NLRP10: variants seen among roughly 807,000 people sequenced by gnomAD.
NLRP10 encodes the protein NLR family pyrin domain containing 10.
Under a neutral mutation model 8.2 loss-of-function variants are expected in NLRP10, and 7 were observed. The observed-to-expected ratio is 0.85, with a 90% CI of 0.48 to 1.60. The LOEUF (loss-of-function observed/expected upper bound fraction) is 1.60, where lower values mean the gene tolerates loss of function less well. Among genes scored for constraint, NLRP10 ranks in the 40% most tolerant of loss-of-function variants. The pLI is 0.00. For synonymous variants in NLRP10, 338 were observed against 314.0 expected, an observed-to-expected ratio of 1.08 and a Z score of -0.81; for missense variants, 814 against 776.3, an observed-to-expected ratio of 1.05 and a Z score of -0.58.
In NLRP10 at chr11:7,960,448, G is replaced by C; in HGVS notation, c.1164C>G (p.Tyr388Ter). 1 of 1,614,094 alleles carries C rather than the reference G, an allele frequency of 6.2e-7. No homozygotes were observed. The highest frequency in any genetic ancestry group is 8.5e-7 in the Non-Finnish European group (1 of 1,180,036). ...PRNSTDIFMA[Y>*]VSTFLPPDDD... ...CATCGGGCGGCAGAAAGGTGGAGAC[G>C]TAAGCCATGAAGATGTCAGTGCTGT... Residue 388 changes from tyrosine to a stop codon, truncating the protein, a stop_gained, in exon 3 of 3, where the codon TAC becomes TAG. Transcript: ENST00000691676. LOFTEE classifies it low-confidence loss of function (END_TRUNC).
At chr11:7,964,908 A>G (rs1941795023) in intron 1 of NLRP10, among the ~76,000 whole-genome samples, 1 of 152,262 alleles carries the variant, frequency 6.6e-6, no homozygotes, top group Non-Finnish European at 1.5e-5. Flanking sequence ...CCATCTCAGT[A>G]GTACAATGTC....
In NLRP10 at chr11:7,963,364, C is replaced by T. The variant is rs1432566077; in HGVS notation, c.132G>A (p.Leu44=). 1.2e-6 allele frequency: 2 copies of T among 1,614,088 alleles called. No individual in the cohort carries two copies. Among genetic ancestry groups the T allele is most frequent in the Non-Finnish European group, 1.7e-6 (2 of 1,180,034 alleles). The change falls in exon 2 of 3, where the codon CTG becomes CTA. Residue 44 remains leucine (L), a synonymous_variant. Transcript: ENST00000691676. Reference sequence around the variant, plus strand: ...TCAGGCCCTCCAACTCCCCTCTGGCCAGTGGGGGCTGGCCCTCAGACAGGG... The same window carrying T: ...TCAGGCCCTCCAACTCCCCTCTGGCTAGTGGGGGCTGGCCCTCAGACAGGG... ...DMTLSEGQPP[L]ARGELEGLIP... is the part of the protein sequence containing the mutation.
chr11:7,958,545 C>A lies in NLRP10; in HGVS notation c.*1099G>T, dbSNP rs1941659377. 6.6e-6 allele frequency among the ~76,000 whole-genome samples: 1 copy of A among 151,634 alleles called. No individual in the cohort carries two copies. Among genetic ancestry groups the A allele is most frequent in the Non-Finnish European group, 1.5e-5 (1 of 67,912 alleles). On this transcript the variant is annotated 3_prime_UTR_variant, in exon 3 of 3. Coordinates refer to ENST00000691676, the MANE Select transcript of NLRP10 (RefSeq NM_001391958.1). ...TCTTTAATAAGCTGTCTGTTCCAAT[C>A]TTTTTACTCACCTTTTTTTTTTTGA...
chr11:7,961,923 C>T (rs980803041), intron 2 of NLRP10, among the ~76,000 whole-genome samples: 8 of 152,152 alleles, frequency 5.3e-5, no homozygotes, highest in Admixed American at 5.2e-4. Flanking sequence ...TCATGAATGT[C>T]TTGGGGCCCT....
chr11:7,965,348 C>T lies in NLRP10; in HGVS notation c.-148G>A, dbSNP rs953806632. 3 of 152,218 alleles carry T rather than the reference C, an allele frequency of 2.0e-5. No individual in the cohort carries two copies. Among genetic ancestry groups the T allele is most frequent in the African/African-American group, 7.2e-5 (3 of 41,454 alleles). The allele number at this position is 152,218 out of a possible 1,614,324, so 9.4% of individuals were successfully genotyped here. A position where few individuals can be genotyped will look rare whatever the true frequency, so the allele number is the denominator to read the frequency against. On this transcript the variant is annotated 5_prime_UTR_variant, in exon 1 of 3. Coordinates refer to ENST00000691676, the MANE Select transcript of NLRP10 (RefSeq NM_001391958.1). ...CTGGGGACTGAGACGAAACAGATCC[C>T]CTTTCCTGGTCCGACAGCTCTACAG...
chr11:7,964,183 A>T (rs1336270425), intron 1 of NLRP10, among the ~76,000 whole-genome samples: 1 of 152,152 alleles, frequency 6.6e-6, no homozygotes, highest in Non-Finnish European at 1.5e-5. Flanking sequence ...TGGCTTCCCA[A>T]AGTGCTGGGA....
Position 7,961,029 on chromosome 11 carries a change from G to C in NLRP10, c.583C>G (p.Leu195Val), listed in dbSNP as rs143042411. ...KMVLDWATGT[L>V]YPGRFDYVFY... ...ACATAATCAAACCGGCCTGGGTACAGAGTACCGGTGGCCCAGTCCAACACC... is the reference window on the plus strand; with the variant it reads ...ACATAATCAAACCGGCCTGGGTACACAGTACCGGTGGCCCAGTCCAACACC... Residue 195 changes from leucine (L) to valine (V), a missense_variant, in exon 3 of 3, where the codon CTG (leucine) becomes GTG (valine). Coordinates refer to ENST00000691676, the MANE Select transcript of NLRP10 (RefSeq NM_001391958.1). The C allele has an allele frequency of 6.2e-6, 10 of 1,614,212 alleles. No individual in the cohort carries two copies. The African/African-American group carries it at 1.3e-4, about 22-fold the overall frequency.
intron 1 of NLRP10, among the ~76,000 whole-genome samples, chr11:7,964,131 C>T (rs996754585): frequency 3.3e-5 from 5 of 152,050 alleles, no homozygotes; most frequent in African/African-American, 1.2e-4. Flanking sequence ...CATACGGGCC[C>T]GGCTAGACTC....
rs763481272 is a variant in NLRP10, at chr11:7,960,431, G to A, written c.1181C>T (p.Pro394Leu). The change falls in exon 3 of 3, where the codon CCG becomes CTG. Residue 394 changes from proline (P) to leucine (L), a missense_variant. Pro to Leu is a moderately conservative substitution (Grantham distance 98). Transcript: ENST00000691676. ...IFMAYVSTFL[P>L]PDDDGGCSEL... is the part of the protein sequence containing the mutation. ...GGAGCAGCCCCCATCATCATCGGGCGGCAGAAAGGTGGAGACGTAAGCCAT... is the reference window on the plus strand; with the variant it reads ...GGAGCAGCCCCCATCATCATCGGGCAGCAGAAAGGTGGAGACGTAAGCCAT... 11 of 1,613,974 alleles carry A rather than the reference G, an allele frequency of 6.8e-6. No homozygotes were observed. Among genetic ancestry groups the A allele is most frequent in the Admixed American group, 1.7e-5 (1 of 60,018 alleles).
intron 1 of NLRP10, among the ~76,000 whole-genome samples, chr11:7,964,766 A>C (rs1263663788): frequency 1.3e-5 from 2 of 152,222 alleles, no homozygotes; most frequent in African/African-American, 4.8e-5. Context: ...AGGAGAGCAG[A>C]GTTTTGAATT....
Position 7,961,301 on chromosome 11 carries a change from T to G in NLRP10, c.311A>C (p.Glu104Ala). Residue 104 changes from glutamate to alanine, a missense_variant, in exon 3 of 3, where the codon GAG becomes GCG. Glu to Ala is a moderately radical substitution (Grantham distance 107, BLOSUM62 -1). Coordinates refer to ENST00000691676, the MANE Select transcript of NLRP10 (RefSeq NM_001391958.1). ...CCATTCCTCTAGGCAGCGCACATGC[T>G]CTCGGTATACTTCTCTGTAATCTGA... ...CLHDYREVYR[E>A]HVRCLEEWQE... is the part of the protein sequence containing the mutation. 3 of 1,583,390 alleles carry G rather than the reference T, an allele frequency of 1.9e-6. No homozygotes were observed. The highest frequency in any genetic ancestry group is 2.6e-6 in the Non-Finnish European group (3 of 1,163,084).
rs911074918 is a variant in NLRP10 at position 7,957,780 on chromosome 11, C to T, written c.*1864G>A. ...ACTCTTTGTATTGTACAGCTCTATG[C>T]GTTTTGAAAAATTTATGTCATGACT... On this transcript the variant is annotated 3_prime_UTR_variant, in exon 3 of 3. Coordinates refer to ENST00000691676, the MANE Select transcript of NLRP10 (RefSeq NM_001391958.1). 2.6e-5 allele frequency among the ~76,000 whole-genome samples: 4 copies of T among 152,188 alleles called. No individual in the cohort carries two copies. Among genetic ancestry groups the T allele is most frequent in the South Asian group, 2.1e-4 (1 of 4,818 alleles).
rs1564878426 is a variant in NLRP10, at chr11:7,961,219, G to A, written c.393C>T (p.Ser131=). 1 of 1,613,690 alleles carries A rather than the reference G, an allele frequency of 6.2e-7. No individual in the cohort carries two copies. The highest frequency in any genetic ancestry group is 1.6e-4 in the Middle Eastern group (1 of 6,062). The stretch of plus-strand genomic sequence containing the variant: ...AGGCAAGTGATTCTGGGCTCTCTGA[G>A]CTGGGCTTGGCCACCAGGAGCACCT... ...YNQVLLVAKP[S]SESPESLACP... is the part of the protein sequence containing the mutation. Residue 131 remains serine, a synonymous_variant, in exon 3 of 3, where the codon AGC becomes AGT. Transcript: ENST00000691676.
At chr11:7,963,765 G>A (rs1278621658) in intron 1 of NLRP10, 2 of 489,502 alleles carry the variant, frequency 4.1e-6, no homozygotes, top group Non-Finnish European at 7.1e-6. Flanking sequence ...AAGGTATGTA[G>A]GTGTGTTAAT....
Position 7,960,286 on chromosome 11 carries a change from C to G in NLRP10, c.1326G>C (p.Arg442Ser). 6.2e-7 allele frequency: 1 copy of G among 1,614,112 alleles called. No individual in the cohort carries two copies. Among genetic ancestry groups the G allele is most frequent in the Non-Finnish European group, 8.5e-7 (1 of 1,180,026 alleles). Residue 442 changes from arginine to serine, a missense_variant, in exon 3 of 3, where the codon AGG (arginine) becomes AGC (serine). Coordinates refer to ENST00000691676, the MANE Select transcript of NLRP10 (RefSeq NM_001391958.1). ...CGTTACTACTCAGGAAAGCGGCAAG[C>G]CTGGGGCCATCTAAATTATGTTTCC... ...ELRKHNLDGP[R>S]LAAFLSSNDY...
rs1941682426 is a variant in NLRP10, at chr11:7,959,881, T to G, written c.1731A>C (p.Lys577Asn). 1.2e-6 allele frequency: 2 copies of G among 1,612,590 alleles called. No individual in the cohort carries two copies. Among genetic ancestry groups the G allele is most frequent in the African/African-American group, 2.7e-5 (2 of 74,900 alleles). ...ATGATACATTGTTCATCTGAATACCTTTTACCAGATTCTTTATTTTAGCTT... is the reference window on the plus strand; with the variant it reads ...ATGATACATTGTTCATCTGAATACCGTTTACCAGATTCTTTATTTTAGCTT... ...LYEAKIKNLV[K>N]GIQMNNVSFK... The change falls in exon 3 of 3, where the codon AAA (lysine) becomes AAC (asparagine). Residue 577 changes from lysine (K) to asparagine (N), a missense_variant. Lys to Asn is a moderately conservative substitution (Grantham distance 94, BLOSUM62 0). Coordinates refer to ENST00000691676, the MANE Select transcript of NLRP10 (RefSeq NM_001391958.1).
chr11:7,963,357 C>T lies in NLRP10; in HGVS notation c.139G>A (p.Gly47Arg). The T allele has an allele frequency of 6.2e-7, 1 of 1,614,240 alleles. No homozygotes were observed. Among genetic ancestry groups the T allele is most frequent in the Non-Finnish European group, 8.5e-7 (1 of 1,180,030 alleles). Residue 47 changes from glycine to arginine, a missense_variant, in exon 2 of 3, where the codon GGG becomes AGG. Transcript: ENST00000691676. ...LSEGQPPLAR[G>R]ELEGLIPVDL... ...ACCGGAATCAGGCCCTCCAACTCCC[C>T]TCTGGCCAGTGGGGGCTGGCCCTCA...
intron 2 of NLRP10, among the ~76,000 whole-genome samples, chr11:7,962,912 A>T (rs1489312947): frequency 6.6e-6 from 1 of 152,148 alleles, no homozygotes; most frequent in African/African-American, 2.4e-5. Flanking sequence ...ACACCCTCCC[A>T]GTCTCTAAGA....
rs1941664874 is a variant in NLRP10, at chr11:7,958,796, C to T, written c.*848G>A. Among the ~76,000 whole-genome samples, 1 of 152,180 alleles carries T rather than the reference C, an allele frequency of 6.6e-6. No homozygotes were observed. Among genetic ancestry groups the T allele is most frequent in the African/African-American group, 2.4e-5 (1 of 41,446 alleles). On this transcript the variant is annotated 3_prime_UTR_variant, in exon 3 of 3. Transcript: ENST00000691676. ...GTCTCTTGACCTCGTGATCCACCAG[C>T]CTGGGCCTCCTACTCACTTTTTAAG...
Sources: gnomAD v4.1 joint callset for allele counts (sites outside exome capture counted in the v4.1 genomes callset) on GRCh38, gnomAD v4.1.1 for gene constraint, MANE v1.5 for transcripts, NCBI Gene and HGNC (gene_info 2026-07-23, HGNC 2026-07-21) for gene names.